The following SPOCK3 variants were observed in gnomAD, a reference collection of about 807,000 sequenced individuals.
The protein encoded by SPOCK3 is SPARC (osteonectin), cwcv and kazal like domains proteoglycan 3.
SPOCK3 carries 30 observed loss-of-function variants against 56.6 expected under a neutral mutation model. That is an observed-to-expected ratio of 0.53 (90% CI 0.40 to 0.72). The LOEUF (loss-of-function observed/expected upper bound fraction) is 0.72. Among genes scored for constraint, SPOCK3 ranks in the 30% least tolerant of loss-of-function variants. SPOCK3 has a pLI of 0.00. For synonymous variants in SPOCK3, 196 were observed against 183.3 expected, an observed-to-expected ratio of 1.07 and a Z score of -0.56; for missense variants, 527 against 530.0, an observed-to-expected ratio of 0.99 and a Z score of 0.06.
rs1387677811 is a variant in SPOCK3, at chr4:166,748,509, G to A, written c.931+5999C>T. On this transcript the variant is annotated intron_variant, in intron 8 of 10. Transcript: ENST00000357545. ...CTCAAGATGGATTAAAGACTTAAAT[G>A]TTAGACCTAAAGCCATAAAAACCCT... Among the ~76,000 whole-genome samples, 4 of 136,836 alleles carry A rather than the reference G, an allele frequency of 2.9e-5. 1 individual carries two copies. The highest frequency in any genetic ancestry group is 3.9e-4 in the East Asian group (2 of 5,122). The allele number at this position is 136,836 out of a possible 152,430, so 89.8% of individuals were successfully genotyped here. A position where few individuals can be genotyped will look rare whatever the true frequency, so the allele number is the denominator to read the frequency against.
chr4:166,926,604 T>C (rs1423758008), intron 4 of SPOCK3, among the ~76,000 whole-genome samples: 1 of 152,136 alleles, frequency 6.6e-6, no homozygotes, highest in Non-Finnish European at 1.5e-5. Context: ...TTTTAAAATG[T>C]TGCCTTTATG....
At position 167,192,559 on chromosome 4, in the gene SPOCK3, C is replaced by T. The variant is rs982243585; in HGVS notation, c.189+41426G>A. On this transcript the variant is annotated intron_variant, in intron 2 of 10. Coordinates refer to ENST00000357545, the MANE Select transcript of SPOCK3 (RefSeq NM_001040159.2). Reference sequence around the variant, plus strand: ...ATTTATCTATTTTATTTAAGAAAAACGCTCTTACCTTTACCATTATTTTCT... The same window carrying T: ...ATTTATCTATTTTATTTAAGAAAAATGCTCTTACCTTTACCATTATTTTCT... Among the ~76,000 whole-genome samples, 10 of 145,372 alleles carry T rather than the reference C, an allele frequency of 6.9e-5. 1 individual carries two copies. The highest frequency in any genetic ancestry group is 1.1e-4 in the African/African-American group (4 of 38,030).
chr4:167,062,704 CAA>C (rs940754200), intron 2 of SPOCK3, 167 bp from the exon 3 acceptor site: 56 of 575,730 alleles, frequency 9.7e-5, no homozygotes, highest in African/African-American at 6.7e-4. Flanking sequence ...AAAAAAGAAA[CAA>C]GAGAAAAAGA....
At chr4:166,985,657 T>A (rs956297240) in intron 4 of SPOCK3, among the ~76,000 whole-genome samples, 1 of 152,128 alleles carries the variant, frequency 6.6e-6, no homozygotes, top group Non-Finnish European at 1.5e-5. Context: ...ATGAACCACA[T>A]TTTCTTGCAC....
chr4:166,909,865 A>G lies in SPOCK3; in HGVS notation c.474+2755T>C, dbSNP rs137868401. On this transcript the variant is annotated intron_variant, in intron 5 of 10. Transcript: ENST00000357545. Reference sequence around the variant, plus strand: ...TCTTGTGATCTCTTATCTATATTCTATTTTCAACTCTCATAAGCAGATGTT... The same window carrying G: ...TCTTGTGATCTCTTATCTATATTCTGTTTTCAACTCTCATAAGCAGATGTT... Among the ~76,000 whole-genome samples, 1,110 of 152,182 alleles carry G rather than the reference A, an allele frequency of 7.3e-3. 11 individuals are homozygous for G. Among genetic ancestry groups the G allele is most frequent in the African/African-American group, 0.025 (1,028 of 41,532 alleles).
chr4:166,793,134 T>C (rs958335220), intron 6 of SPOCK3, among the ~76,000 whole-genome samples: 1 of 152,120 alleles, frequency 6.6e-6, no homozygotes, highest in Non-Finnish European at 1.5e-5. Flanking sequence ...TGCAGACCAA[T>C]CCCTTGTGCA....
At chr4:167,059,525 G>C (rs1252834381) in intron 3 of SPOCK3, among the ~76,000 whole-genome samples, 1 of 152,042 alleles carries the variant, frequency 6.6e-6, no homozygotes, top group Non-Finnish European at 1.5e-5. Context: ...AGGATGTGGA[G>C]AAATAGGAAC....
chr4:166,798,944 T>C (rs905782392), intron 6 of SPOCK3, among the ~76,000 whole-genome samples: 2 of 152,166 alleles, frequency 1.3e-5, no homozygotes, highest in East Asian at 1.9e-4. Context: ...ATCTTCAATA[T>C]GGATGAAAAC....
intron 5 of SPOCK3, among the ~76,000 whole-genome samples, chr4:166,899,293 T>TCTATCTAACTAA (rs1553997468): frequency 7.2e-6 from 1 of 139,022 alleles, no homozygotes; most frequent in Non-Finnish European, 1.6e-5. Context: ...TATCTATCTA[T>TCTATCTAACTAA]CTATCTATGT....
rs768552197 is a variant in SPOCK3 at position 166,927,672 on chromosome 4, G to GT, written c.351-14930dup. ...ATCTACATCACCTCGGTTTTGGAAA[G>GT]TTTTTTTAGATACAACGCAAGAGGT... On this transcript the variant is annotated intron_variant, in intron 4 of 10. Transcript: ENST00000357545. Among the ~76,000 whole-genome samples the GT allele has an allele frequency of 2.2e-3, 333 of 152,224 alleles. 3 individuals carry two copies. Among genetic ancestry groups the GT allele is most frequent in the Non-Finnish European group, 2.2e-3 (150 of 68,028 alleles).
chr4:167,009,751 A>G (rs1749842191), intron 3 of SPOCK3, among the ~76,000 whole-genome samples: 1 of 152,152 alleles, frequency 6.6e-6, no homozygotes, highest in African/African-American at 2.4e-5. Context: ...TAATCCACTC[A>G]AAAACTAGCA....
intron 4 of SPOCK3, among the ~76,000 whole-genome samples, chr4:166,955,054 C>G (rs1292995759): frequency 6.6e-6 from 1 of 151,940 alleles, no homozygotes; most frequent in Non-Finnish European, 1.5e-5. Context: ...ACTCTTGGTT[C>G]AAGGTTATTT....
chr4:167,027,582 G>A (rs1751812608), intron 3 of SPOCK3, among the ~76,000 whole-genome samples: 1 of 151,968 alleles, frequency 6.6e-6, no homozygotes, highest in Non-Finnish European at 1.5e-5. Context: ...TAACTGTTGA[G>A]TCTCCCAAAA....
chr4:166,908,215 A>G (rs1262169678), intron 5 of SPOCK3, among the ~76,000 whole-genome samples: 1 of 151,688 alleles, frequency 6.6e-6, no homozygotes, highest in Non-Finnish European at 1.5e-5. Flanking sequence ...TAAAATAGAA[A>G]GTTTTTGAAT....
intron 6 of SPOCK3, among the ~76,000 whole-genome samples, chr4:166,857,956 C>A (rs1415255641): frequency 6.6e-6 from 1 of 152,142 alleles, no homozygotes; most frequent in South Asian, 2.1e-4. Context: ...AACCTATAGT[C>A]CAAAAGTAAA....
At chr4:166,923,233 CTCTTA>C (rs1445236519) in intron 4 of SPOCK3, among the ~76,000 whole-genome samples, 1 of 152,182 alleles carries the variant, frequency 6.6e-6, no homozygotes, top group Non-Finnish European at 1.5e-5. Context: ...CCCTGTCTCT[CTCTTA>C]TAAGGATACA....
At chr4:166,869,604 T>TTC (rs1184760626) in intron 6 of SPOCK3, among the ~76,000 whole-genome samples, 2 of 125,216 alleles carry the variant, frequency 1.6e-5, no homozygotes, top group East Asian at 2.4e-4. Flanking sequence ...ACCAATAGAA[T>TTC]TCTGTGTGTG....
chr4:167,116,686 CACA>C (rs1761410723), intron 2 of SPOCK3, among the ~76,000 whole-genome samples: 1 of 19,618 alleles, frequency 5.1e-5, no homozygotes, highest in Non-Finnish European at 1.0e-4. Flanking sequence ...TGTATATATA[CACA>C]CATATAGTAT....
At chr4:166,807,690 A>G (rs1207539811) in intron 6 of SPOCK3, among the ~76,000 whole-genome samples, 1 of 152,146 alleles carries the variant, frequency 6.6e-6, no homozygotes, top group Non-Finnish European at 1.5e-5. Flanking sequence ...GACACATACT[A>G]TAAAAAAGAA....
Sources: allele counts gnomAD v4.1 joint callset (sites outside exome capture counted in the v4.1 genomes callset), GRCh38; gene constraint gnomAD v4.1.1; transcripts MANE v1.5; gene names NCBI Gene and HGNC (gene_info 2026-07-23, HGNC 2026-07-21).